Variants in COL12A1 observed in about 807,000 individuals in gnomAD.
COL12A1 encodes collagen type XII alpha 1 chain.
Under a neutral mutation model 349.7 loss-of-function variants are expected in COL12A1, and 114 were observed. The ratio of observed to expected loss-of-function variants is 0.33; its 90% CI spans 0.28 to 0.38. COL12A1 has a LOEUF of 0.38. Among genes scored for constraint, COL12A1 ranks in the 10% least tolerant of loss-of-function variants. The probability of loss-of-function intolerance (pLI) is 1.00; values close to 1 mark genes in which losing one functional copy is unlikely to be tolerated. For synonymous variants in COL12A1, 1,369 were observed against 1,329.0 expected (o/e 1.03, Z -0.66); for missense variants, 3,284 against 3,756.9 (o/e 0.87, Z 3.29).
intron 60 of COL12A1, 84 bp from the exon 61 acceptor site, chr6:75,091,609 C>A: frequency 7.5e-7 from 1 of 1,339,806 alleles, no homozygotes; most frequent in Non-Finnish European, 1.1e-6. Context: ...TGAACGAGAA[C>A]AAGTTCTGTT....
intron 13 of COL12A1, among the ~76,000 whole-genome samples, chr6:75,172,042 C>G (rs1040654553): frequency 6.6e-6 from 1 of 152,168 alleles, no homozygotes; most frequent in African/African-American, 2.4e-5. Flanking sequence ...ATCTAGCTTT[C>G]CTTCTTCTCA....
At chr6:75,088,861 C>T (rs984132538) in intron 64 of COL12A1, among the ~76,000 whole-genome samples, 6 of 151,964 alleles carry the variant, frequency 3.9e-5, no homozygotes, top group African/African-American at 4.8e-5. Context: ...ATTAGCCAGG[C>T]GTGGTGGCGG....
chr6:75,172,999 C>T (rs1226058223), intron 13 of COL12A1, among the ~76,000 whole-genome samples: 1 of 152,178 alleles, frequency 6.6e-6, no homozygotes, highest in Non-Finnish European at 1.5e-5. Flanking sequence ...GTCTTGGAAC[C>T]AATCTGCAGC....
At chr6:75,139,212 A>G (rs191876832) in intron 27 of COL12A1, among the ~76,000 whole-genome samples, 4 of 152,278 alleles carry the variant, frequency 2.6e-5, no homozygotes, top group African/African-American at 7.2e-5. Context: ...CCTTTCTCCA[A>G]CTTTTTAAGA....
rs1339319582 is a variant in COL12A1, at chr6:75,151,216, C to T, written c.4072G>A (p.Val1358Met). Residue 1358 changes from valine (V) to methionine (M), a missense_variant, in exon 21 of 66, where the codon GTG (valine) becomes ATG (methionine). Transcript: ENST00000322507. ...CTGGAGAGTGACTCAAAATCTGCCA[C>T]ATTGTATGCATGGGTATCATCAGGA... is the stretch of plus-strand genomic sequence containing the variant. ...TDPDDTHAYN[V>M]ADFESLSRIV... The T allele has an allele frequency of 3.1e-6, 5 of 1,613,392 alleles. No individual in the cohort carries two copies. In the East Asian group the frequency reaches 8.9e-5, roughly 29 times the overall value.
At chr6:75,190,204 T>C (rs1404173843) in intron 5 of COL12A1, among the ~76,000 whole-genome samples, 2 of 151,952 alleles carry the variant, frequency 1.3e-5, no homozygotes, top group African/African-American at 4.8e-5. Context: ...TTAGGAGTCA[T>C]ACAAAAGAAA....
chr6:75,160,223 A>G (rs1767969301), intron 14 of COL12A1, among the ~76,000 whole-genome samples: 2 of 152,112 alleles, frequency 1.3e-5, no homozygotes, highest in Non-Finnish European at 2.9e-5. Flanking sequence ...CCACTGTACC[A>G]CTGCTAAGCC....
intron 28 of COL12A1, 32 bp downstream of exon 28, chr6:75,138,790 A>G: frequency 2.5e-6 from 4 of 1,612,198 alleles, no homozygotes; most frequent in Non-Finnish European, 1.7e-6. Flanking sequence ...GGGACATGAA[A>G]GACAGAGAGA....
chr6:75,145,560 CT>C, intron 24 of COL12A1, 105 bp from the exon 25 acceptor site: 1 of 1,037,512 alleles, frequency 9.6e-7, no homozygotes, highest in Non-Finnish European at 1.3e-6. Flanking sequence ...TATAATACAG[CT>C]TGTATTTTTC....
chr6:75,174,326 G>A (rs1225296103), intron 13 of COL12A1, among the ~76,000 whole-genome samples: 1 of 152,156 alleles, frequency 6.6e-6, no homozygotes, highest in Admixed American at 6.5e-5. Context: ...GGTGGCCGAG[G>A]CGGGCGGATC....
chr6:75,175,200 G>C lies in COL12A1; in HGVS notation c.2548C>G (p.Pro850Ala). ...KVKQYLVTYT[P>A]VAGGETQEVT... ...TCTTGAGTTTCACCCCCTGCCACTG[G>C]GGTATATGTGACGAGATACTGTTTC... The change falls in exon 13 of 66, where the codon CCA becomes GCA. Residue 850 changes from proline to alanine, a missense_variant. Around this residue, in one of 2 missense-constraint regions of COL12A1, gnomAD observed 2,601 missense variants for 2,824.8 expected, o/e 0.92. Transcript: ENST00000322507. 1.2e-6 allele frequency: 2 copies of C among 1,614,104 alleles called. No homozygotes were observed. The highest frequency in any genetic ancestry group is 1.7e-6 in the Non-Finnish European group (2 of 1,180,030).
In COL12A1 at chr6:75,138,484, A is replaced by G. The variant is rs750726658; in HGVS notation, c.5194T>C (p.Ser1732Pro). ...VSITAIYPDE[S>P]ESDDLIGSER... Reference sequence around the variant, plus strand: ...CTGCCAATCAGGTCATCACTTTCTGACTCATCAGGATAGATGGCAGTAATG... The same window carrying G: ...CTGCCAATCAGGTCATCACTTTCTGGCTCATCAGGATAGATGGCAGTAATG... The change falls in exon 29 of 66, where the codon TCA becomes CCA. Residue 1732 changes from serine to proline, a missense_variant. Coordinates refer to ENST00000322507, the MANE Select transcript of COL12A1 (RefSeq NM_004370.6). The G allele has an allele frequency of 1.2e-6, 2 of 1,613,982 alleles. No homozygotes were observed. The highest frequency in any genetic ancestry group is 1.7e-6 in the Non-Finnish European group (2 of 1,179,932).
At chr6:75,182,259 G>A (rs1418380508) in intron 10 of COL12A1, among the ~76,000 whole-genome samples, 1 of 3,854 alleles carries the variant, frequency 2.6e-4, no homozygotes, top group East Asian at 3.8e-3. Flanking sequence ...TGTGCAGAAC[G>A]TGCAGTTTTG....
rs748187106 is a variant in COL12A1 at position 75,131,920 on chromosome 6, T to C, written c.5937+20A>G. ...ACTACATTCACCAGGAAATGCAGTT[T>C]CCATGACAAAATTACTTACAGATTC... On this transcript the variant is annotated intron_variant, in intron 35 of 65. Coordinates refer to ENST00000322507, the MANE Select transcript of COL12A1 (RefSeq NM_004370.6). The C allele has an allele frequency of 1.9e-6, 3 of 1,612,968 alleles. No individual in the cohort carries two copies. In the Admixed American group the frequency reaches 5.0e-5, roughly 27 times the overall value.
At chr6:75,131,049 C>A in intron 35 of COL12A1, 68 bp from the exon 36 acceptor site, 2 of 1,587,284 alleles carry the variant, frequency 1.3e-6, no homozygotes, top group Non-Finnish European at 1.7e-6. Flanking sequence ...TTCAGTTAGT[C>A]ATCACAATAG....
chr6:75,161,322 T>C (rs1161989891), intron 14 of COL12A1, among the ~76,000 whole-genome samples: 1 of 152,180 alleles, frequency 6.6e-6, no homozygotes, highest in Non-Finnish European at 1.5e-5. Context: ...TATAATACAA[T>C]GTAAATGTCA....
intron 54 of COL12A1, 58 bp from the exon 55 acceptor site, chr6:75,103,868 T>A: frequency 7.2e-7 from 1 of 1,396,640 alleles, no homozygotes. Flanking sequence ...GAAGTTGATA[T>A]ACAAAAAGTC....
intron 31 of COL12A1, 104 bp from the exon 32 acceptor site, chr6:75,134,959 A>C: frequency 8.0e-7 from 1 of 1,254,764 alleles, no homozygotes; most frequent in Non-Finnish European, 1.1e-6. Flanking sequence ...GACCCTTGTC[A>C]AGTTCCAGAA....
chr6:75,119,091 G>A lies in COL12A1; in HGVS notation c.7306C>T (p.Arg2436Trp), dbSNP rs748551753. The change falls in exon 46 of 66, where the codon CGG becomes TGG. Residue 2436 changes from arginine (R) to tryptophan (W), a missense_variant. By Grantham distance (101) the Arg-to-Trp change is moderately radical (BLOSUM62 -3). Around this residue, in one of 2 missense-constraint regions of COL12A1, gnomAD observed 683 missense variants for 932.1 expected, o/e 0.73. Transcript: ENST00000322507. Reference protein sequence around the residue: ...PKVLVVVTDGRSQDEVKKAAL... With the variant: ...PKVLVVVTDGWSQDEVKKAAL... ...GCCTTCTTGACCTCATCCTGGGACC[G>A]ACCGTCCGTGACCACAACCAACACC... The A allele has an allele frequency of 5.6e-6, 9 of 1,613,754 alleles. No homozygotes were observed. The highest frequency in any genetic ancestry group is 5.3e-5 in the African/African-American group (4 of 74,880).
Sources: allele counts gnomAD v4.1 joint callset (sites outside exome capture counted in the v4.1 genomes callset), GRCh38; gene constraint gnomAD v4.1.1; regional missense constraint gnomAD v4.1.1; transcripts MANE v1.5; gene names NCBI Gene and HGNC (gene_info 2026-07-23, HGNC 2026-07-21).